The following PLD1 variants were observed in gnomAD, a reference collection of about 807,000 sequenced individuals.
PLD1 encodes phospholipase D1, also known as choline phosphatase 1.
PLD1 carries 112 observed loss-of-function variants against 137.1 expected under a neutral mutation model. The observed-to-expected ratio is 0.82, with a 90% CI of 0.70 to 0.96. The LOEUF is 0.96. Among genes scored for constraint, PLD1 ranks in the 40% least tolerant of loss-of-function variants. The probability of loss-of-function intolerance (pLI) is 0.00; values close to 1 mark genes in which losing one functional copy is unlikely to be tolerated. For synonymous variants in PLD1, 431 were observed against 454.7 expected (o/e 0.95, Z 0.66); for missense variants, 1,321 against 1,342.0 (o/e 0.98, Z 0.24).
chr3:171,617,094 C>CA (rs1290437848), intron 24 of PLD1, among the ~76,000 whole-genome samples: 2 of 152,126 alleles, frequency 1.3e-5, no homozygotes, highest in African/African-American at 4.8e-5. Flanking sequence ...CAAAAAAACC[C>CA]AAATGCCTGG....
At position 171,661,993 on chromosome 3, in the gene PLD1, C is replaced by G. The variant is rs1048124548; in HGVS notation, c.2340+67G>C. ...ATGAGGGGTCCTAAGTTTGGGGACC[C>G]TGAAATCTCTGCATGATATTTAAGG... On this transcript the variant is annotated intron_variant, in intron 20 of 26. Transcript: ENST00000351298. The G allele has an allele frequency of 3.4e-6, 3 of 878,462 alleles. No homozygotes were observed. The Admixed American group carries it at 6.1e-5, about 18-fold the overall frequency. The allele number at this position is 878,462 out of a possible 1,614,324, so 54.4% of individuals were successfully genotyped here.
chr3:171,763,004 G>A (rs950543706), intron 1 of PLD1, among the ~76,000 whole-genome samples: 2 of 152,158 alleles, frequency 1.3e-5, no homozygotes, highest in African/African-American at 4.8e-5. Context: ...TTAGCTCATA[G>A]TAAGTGCTTA....
At chr3:171,753,860 G>T (rs190764368) in intron 1 of PLD1, among the ~76,000 whole-genome samples, 49 of 152,208 alleles carry the variant, frequency 3.2e-4, no homozygotes, top group Non-Finnish European at 5.4e-4. Context: ...CATAGTTGAG[G>T]TTTTTGTATT....
chr3:171,671,888 C>G (rs1247772463), intron 19 of PLD1, among the ~76,000 whole-genome samples: 1 of 151,706 alleles, frequency 6.6e-6, no homozygotes, highest in Non-Finnish European at 1.5e-5. Flanking sequence ...CTGCATCATG[C>G]TTCTTGCCCA....
At chr3:171,696,515 GA>G (rs1715710155) in intron 12 of PLD1, among the ~76,000 whole-genome samples, 1 of 152,150 alleles carries the variant, frequency 6.6e-6, no homozygotes, top group African/African-American at 2.4e-5. Context: ...ATTCCTCTCA[GA>G]ATATCTGCAC....
intron 23 of PLD1, among the ~76,000 whole-genome samples, chr3:171,631,741 T>C (rs1734685237): frequency 6.6e-6 from 1 of 151,946 alleles, no homozygotes; most frequent in Non-Finnish European, 1.5e-5. Flanking sequence ...CTTAACTCAC[T>C]AAATAAGAGA....
intron 8 of PLD1, among the ~76,000 whole-genome samples, chr3:171,720,958 CT>C (rs1718085309): frequency 6.6e-6 from 1 of 152,204 alleles, no homozygotes; most frequent in Non-Finnish European, 1.5e-5. Context: ...TAAAGTCACC[CT>C]CTGCAATCCC....
At chr3:171,716,940 C>T in intron 8 of PLD1, among the ~76,000 whole-genome samples, 1 of 152,186 alleles carries the variant, frequency 6.6e-6, no homozygotes. Context: ...CCAGTTATCC[C>T]AGCATCATTT....
In PLD1 at chr3:171,676,717, T is replaced by C; in HGVS notation, c.2113A>G (p.Lys705Glu). Residue 705 changes from lysine to glutamate, a missense_variant and splice_region_variant, in exon 18 of 27, where the codon AAA becomes GAA. Coordinates refer to ENST00000351298, the MANE Select transcript of PLD1 (RefSeq NM_002662.5). ...TCATGATAGCAACATCCAAGTACTT[T>C]TGTGAAGTTCCAGCGCTGGATGAAG... is the stretch of plus-strand genomic sequence containing the variant. The part of the protein sequence containing the change: ...RHFIQRWNFT[K>E]IMKSKYRSLS... 5.0e-6 allele frequency: 8 copies of C among 1,610,728 alleles called. No homozygotes were observed. The highest frequency in any genetic ancestry group is 6.8e-6 in the Non-Finnish European group (8 of 1,177,038).
chr3:171,623,977 A>G (rs1733864988), intron 23 of PLD1, among the ~76,000 whole-genome samples: 2 of 148,056 alleles, frequency 1.4e-5, no homozygotes, highest in South Asian at 2.2e-4. Flanking sequence ...TGTAAGAAAG[A>G]TTTTGTAAGT....
chr3:171,728,931 G>GAA (rs72404458), intron 6 of PLD1, among the ~76,000 whole-genome samples: 10 of 151,352 alleles, frequency 6.6e-5, no homozygotes, highest in Admixed American at 2.0e-4. Flanking sequence ...CTATTATACA[G>GAA]AAAAAAAAAT....
intron 12 of PLD1, among the ~76,000 whole-genome samples, chr3:171,695,397 C>T (rs1441187280): frequency 6.6e-6 from 1 of 152,136 alleles, no homozygotes; most frequent in Non-Finnish European, 1.5e-5. Context: ...CCTGGAGTTG[C>T]CTATGCAATG....
intron 21 of PLD1, among the ~76,000 whole-genome samples, chr3:171,650,135 G>T (rs1249889558): frequency 6.6e-6 from 1 of 152,184 alleles, no homozygotes; most frequent in Non-Finnish European, 1.5e-5. Flanking sequence ...ACTTCTTTTA[G>T]ATTTGGGGAA....
At chr3:171,709,356 G>A (rs1716959588) in intron 10 of PLD1, among the ~76,000 whole-genome samples, 1 of 152,180 alleles carries the variant, frequency 6.6e-6, no homozygotes, top group African/African-American at 2.4e-5. Context: ...AGCTAGCTAA[G>A]CTCACTGTGA....
rs11360641 is a variant in PLD1, at chr3:171,759,099, A to ATT, written c.-31-21019_-31-21018dup. Among the ~76,000 whole-genome samples, 781 of 151,220 alleles carry ATT rather than the reference A, an allele frequency of 5.2e-3. 7 individuals are homozygous for ATT. The highest frequency in any genetic ancestry group is 0.017 in the African/African-American group (706 of 41,260). Reference sequence around the variant, plus strand: ...CTTTTTCCTTTTAAATATTAACACAATTTTTTTTTTAGCACATATACAACA... The same window carrying ATT: ...CTTTTTCCTTTTAAATATTAACACAATTTTTTTTTTTTAGCACATATACAACA... On this transcript the variant is annotated intron_variant, in intron 1 of 26. Coordinates refer to ENST00000351298, the MANE Select transcript of PLD1 (RefSeq NM_002662.5).
Position 171,781,107 on chromosome 3 carries a change from A to G in PLD1, c.-32+29292T>C, listed in dbSNP as rs367703326. On this transcript the variant is annotated intron_variant, in intron 1 of 26. Coordinates refer to ENST00000351298, the MANE Select transcript of PLD1 (RefSeq NM_002662.5). ...GTAACCAGGACAGTGTGGTACTAGT[A>G]CAGGATCAACAAATAGATCAATACA... Among the ~76,000 whole-genome samples the G allele has an allele frequency of 7.2e-5, 11 of 152,314 alleles. No homozygotes were observed. In the South Asian group the frequency reaches 1.9e-3, roughly 26 times the overall value.
chr3:171,692,177 G>A (rs1188684702), intron 13 of PLD1, among the ~76,000 whole-genome samples, 155 bp downstream of exon 13: 2 of 152,174 alleles, frequency 1.3e-5, no homozygotes, highest in African/African-American at 4.8e-5. Context: ...AGATAAGAAA[G>A]TACAGTATTT....
intron 21 of PLD1, among the ~76,000 whole-genome samples, chr3:171,655,518 CT>C (rs1481108917): frequency 1.3e-5 from 2 of 152,050 alleles, no homozygotes; most frequent in Non-Finnish European, 2.9e-5. Flanking sequence ...ACCAAAACAT[CT>C]GGATAATTTT....
chr3:171,776,622 C>T (rs558780724), intron 1 of PLD1, among the ~76,000 whole-genome samples: 6 of 152,308 alleles, frequency 3.9e-5, no homozygotes, highest in Non-Finnish European at 5.9e-5. Context: ...TAATCTGTGA[C>T]GTGTGTTGCC....
Sources: allele counts gnomAD v4.1 joint callset (sites outside exome capture counted in the v4.1 genomes callset), GRCh38; gene constraint gnomAD v4.1.1; transcripts MANE v1.5; gene names NCBI Gene and HGNC (gene_info 2026-07-23, HGNC 2026-07-21).